CGAS: variants seen among roughly 807,000 people sequenced by gnomAD.
The protein encoded by CGAS is 2'3'-cGAMP synthase.
CGAS carries 31 observed loss-of-function variants against 34.0 expected under a neutral mutation model. That is an observed-to-expected ratio of 0.91 (90% CI 0.69 to 1.23). The LOEUF is 1.23. Ranked by LOEUF, CGAS falls within the 50% of genes most tolerant of loss-of-function variation. CGAS has a pLI of 0.00. For missense variants in CGAS, 597 were observed against 657.6 expected (o/e 0.91, Z 1.01); for synonymous variants, 266 against 260.0 (o/e 1.02, Z -0.22).
intron 1 of CGAS, among the ~76,000 whole-genome samples, chr6:73,449,476 A>AACACACACACACACACACACACAC (rs144519687): frequency 2.7e-4 from 39 of 142,900 alleles, no homozygotes; most frequent in East Asian, 1.5e-3. Context: ...CTCTGTCTCA[A>AACACACACACACACACACACACAC]ACACACACAC....
At chr6:73,450,485 C>A (rs867491222) in intron 1 of CGAS, among the ~76,000 whole-genome samples, 4 of 152,042 alleles carry the variant, frequency 2.6e-5, no homozygotes, top group Admixed American at 6.6e-5. Flanking sequence ...AAGAAACACG[C>A]TCCAGTCAGG....
rs758938193 is a variant in CGAS, at chr6:73,451,905, G to T, written c.277C>A (p.Pro93Thr). The change falls in exon 1 of 5, where the codon CCG (proline) becomes ACG (threonine). Residue 93 changes from proline to threonine, a missense_variant. Around this residue, in one of 3 missense-constraint regions of CGAS, gnomAD observed 321 missense variants for 314.3 expected, o/e 1.02. Transcript: ENST00000370315. The stretch of plus-strand genomic sequence containing the variant: ...CCAGGGGCGCTGGTGGCGTCAGACG[G>T]CTGCGTGTCCTGGGCGCGCTGAGGG... ...KAPQRAQDTQ[P>T]SDATSAPGAE... 2.0e-6 allele frequency: 3 copies of T among 1,526,568 alleles called. No homozygotes were observed. The highest frequency in any genetic ancestry group is 1.4e-5 in the African/African-American group (1 of 72,076). The allele number at this position is 1,526,568 out of a possible 1,614,324, so 94.6% of individuals were successfully genotyped here. A position where few individuals can be genotyped will look rare whatever the true frequency, so the allele number is the denominator to read the frequency against.
At chr6:73,428,054 T>C (rs886987520) in intron 4 of CGAS, among the ~76,000 whole-genome samples, 2 of 152,012 alleles carry the variant, frequency 1.3e-5, no homozygotes, top group African/African-American at 4.8e-5. Context: ...CAACAGGCCC[T>C]CTACAAAATT....
intron 1 of CGAS, among the ~76,000 whole-genome samples, chr6:73,448,022 A>T (rs1294076126): frequency 6.6e-6 from 1 of 152,146 alleles, no homozygotes; most frequent in Non-Finnish European, 1.5e-5. Flanking sequence ...GTTGTTCAAC[A>T]TTATTTATGT....
rs1447658649 is a variant in CGAS, at chr6:73,451,839, G to A, written c.343C>T (p.Leu115Phe). The A allele has an allele frequency of 6.4e-7, 1 of 1,551,612 alleles. No individual in the cohort carries two copies. The highest frequency in any genetic ancestry group is 2.0e-5 in the Admixed American group (1 of 51,064). The change falls in exon 1 of 5, where the codon CTT becomes TTT. Residue 115 changes from leucine to phenylalanine, a missense_variant. Leu to Phe is a conservative substitution (Grantham distance 22). Around this residue, in one of 3 missense-constraint regions of CGAS, gnomAD observed 321 missense variants for 314.3 expected, o/e 1.02. Coordinates refer to ENST00000370315, the MANE Select transcript of CGAS (RefSeq NM_138441.3). ...TGGCGGCAAGAACCAGCCCTGGAAA[G>A]AGCCGGCTCCCGAGCCGCAGGAGGC... The part of the protein sequence containing the change: ...LEPPAAREPA[L>F]SRAGSCRQRG...
At chr6:73,441,082 CTTTT>C (rs570875136) in intron 2 of CGAS, among the ~76,000 whole-genome samples, 1 of 136,256 alleles carries the variant, frequency 7.3e-6, no homozygotes. Context: ...TTTTCTTTTT[CTTTT>C]TTTTTTTTTT....
At chr6:73,448,495 A>C (rs900986789) in intron 1 of CGAS, among the ~76,000 whole-genome samples, 1 of 152,226 alleles carries the variant, frequency 6.6e-6, no homozygotes, top group African/African-American at 2.4e-5. Context: ...TAAATAGTAA[A>C]GTACATTAAC....
chr6:73,432,368 C>A (rs1313724722), intron 3 of CGAS, among the ~76,000 whole-genome samples: 4 of 151,980 alleles, frequency 2.6e-5, no homozygotes, highest in African/African-American at 9.7e-5. Flanking sequence ...ACCATGTTGG[C>A]CAGGCTGGTC....
chr6:73,440,035 A>C, intron 3 of CGAS, 174 bp downstream of exon 3: 3 of 583,668 alleles, frequency 5.1e-6, no homozygotes, highest in Non-Finnish European at 9.1e-6. Context: ...TATTAATACT[A>C]CAACTTTGCC....
At chr6:73,427,429 A>T (rs1188049786) in intron 4 of CGAS, among the ~76,000 whole-genome samples, 2 of 151,694 alleles carry the variant, frequency 1.3e-5, no homozygotes, top group Admixed American at 1.3e-4. Context: ...CCTCCTGAGT[A>T]GCGGGGATTA....
chr6:73,425,501 T>A lies in CGAS; in HGVS notation c.1295A>T (p.Lys432Ile). The change falls in exon 5 of 5, where the codon AAA (lysine) becomes ATA (isoleucine). Residue 432 changes from lysine (K) to isoleucine (I), a missense_variant. Around this residue, in one of 3 missense-constraint regions of CGAS, gnomAD observed 271 missense variants for 324.1 expected, o/e 0.84. Transcript: ENST00000370315. ...ERFKDKKHLD[K>I]FSSYHVKTAF... is the part of the protein sequence containing the mutation. ...AGTTTTCACATGATAAGAAGAGAAT[T>A]TATCCAGATGTTTTTTGTCTTTAAA... 1 of 1,613,388 alleles carries A rather than the reference T, an allele frequency of 6.2e-7. No individual in the cohort carries two copies. The highest frequency in any genetic ancestry group is 1.1e-5 in the South Asian group (1 of 90,900).
intron 2 of CGAS, among the ~76,000 whole-genome samples, chr6:73,440,883 C>G (rs1770366777): frequency 6.6e-6 from 1 of 151,198 alleles, no homozygotes; most frequent in Non-Finnish European, 1.5e-5. Flanking sequence ...GCCTGGGCGA[C>G]AGATTAAGAC....
intron 2 of CGAS, among the ~76,000 whole-genome samples, chr6:73,443,235 CTTTTT>C (rs35135687): frequency 1.9e-5 from 2 of 104,224 alleles, no homozygotes; most frequent in African/African-American, 7.6e-5. Flanking sequence ...TTCCCAAACT[CTTTTT>C]TTTTTTTTTT....
intron 4 of CGAS, among the ~76,000 whole-genome samples, chr6:73,426,224 A>C: frequency 6.6e-6 from 1 of 151,930 alleles, no homozygotes; most frequent in East Asian, 1.9e-4. Flanking sequence ...CAGAGGTTGC[A>C]GTGAGCCAAG....
rs1232293160 is a variant in CGAS, at chr6:73,452,232, G to T, written c.-51C>A. 10 of 1,532,046 alleles carry T rather than the reference G, an allele frequency of 6.5e-6. No homozygotes were observed. The highest frequency in any genetic ancestry group is 4.2e-5 in the African/African-American group (3 of 71,014). The allele number at this position is 1,532,046 out of a possible 1,614,324, so 94.9% of individuals were successfully genotyped here. A position where few individuals can be genotyped will look rare whatever the true frequency, so the allele number is the denominator to read the frequency against. On this transcript the variant is annotated 5_prime_UTR_variant, in exon 1 of 5. Transcript: ENST00000370315. ...GAAGAATCCGTTTCAGGAAAAGGCC[G>T]CAAGAGGAAGAGCCAGCAGCAGCTG...
At position 73,451,579 on chromosome 6, in the gene CGAS, G is replaced by A. The variant is rs982845536; in HGVS notation, c.603C>T (p.Ser201=). The change falls in exon 1 of 5, where the codon TCC becomes TCT. Residue 201 remains serine (S), a synonymous_variant. Transcript: ENST00000370315. ...TCAGCAGCCCGACGCCTCTGAACGC[G>A]GAGTCGCACTTCAGTCTGAGCAGCA... ...DHLLLRLKCD[S]AFRGVGLLNT... 6 of 1,612,106 alleles carry A rather than the reference G, an allele frequency of 3.7e-6. No homozygotes were observed. Among genetic ancestry groups the A allele is most frequent in the East Asian group, 4.5e-5 (2 of 44,636 alleles).
chr6:73,440,219 A>G lies in CGAS; in HGVS notation c.1104T>C (p.Asn368=), dbSNP rs367919719. The change falls in exon 3 of 5, where the codon AAT becomes AAC. Residue 368 remains asparagine (N), a synonymous_variant. Coordinates refer to ENST00000370315, the MANE Select transcript of CGAS (RefSeq NM_138441.3). ...TAATATTTAAAATACCTTGGAAACC[A>G]TTTCCTTCCTTTGCATGCTTGGGTA... The part of the protein sequence containing the change: ...YLVPKHAKEG[N]GFQEETWRLS... The G allele has an allele frequency of 4.3e-6, 7 of 1,610,052 alleles. No individual in the cohort carries two copies. The highest frequency in any genetic ancestry group is 1.1e-5 in the South Asian group (1 of 90,394).
chr6:73,451,487 A>G (rs1329144807), intron 1 of CGAS, 38 bp downstream of exon 1: 2 of 1,516,374 alleles, frequency 1.3e-6, no homozygotes, highest in East Asian at 5.0e-5. Flanking sequence ...CGGAAGGCCG[A>G]GCAGCGGGGC....
chr6:73,436,816 G>C (rs929321323), intron 3 of CGAS, among the ~76,000 whole-genome samples: 1 of 151,968 alleles, frequency 6.6e-6, no homozygotes, highest in African/African-American at 2.4e-5. Context: ...GCCATTACAT[G>C]AATGAGAGAG....
Sources: allele counts gnomAD v4.1 joint callset (sites outside exome capture counted in the v4.1 genomes callset), GRCh38; gene constraint gnomAD v4.1.1; regional missense constraint gnomAD v4.1.1; transcripts MANE v1.5; gene names NCBI Gene and HGNC (gene_info 2026-07-23, HGNC 2026-07-21).